Variants in PELI2 observed in about 807,000 individuals in gnomAD.
PELI2 encodes pellino E3 ubiquitin protein ligase family member 2.
A neutral mutation model predicts 42.3 loss-of-function variants in PELI2; 23 were observed. That is an observed-to-expected ratio of 0.54 (90% CI 0.39 to 0.77). The LOEUF is 0.77. Among genes scored for constraint, PELI2 ranks in the 30% least tolerant of loss-of-function variants. The pLI is 0.00. For missense variants in PELI2, 463 were observed against 553.2 expected (o/e 0.84, Z 1.64); for synonymous variants, 245 against 212.2 (o/e 1.15, Z -1.34).
chr14:56,131,109 A>G (rs1048881213), intron 1 of PELI2, among the ~76,000 whole-genome samples: 3 of 152,196 alleles, frequency 2.0e-5, no homozygotes, highest in Non-Finnish European at 2.9e-5. Context: ...TATAGCTCCT[A>G]TCTCCTCACT....
At chr14:56,209,219 T>A (rs562128783) in intron 2 of PELI2, among the ~76,000 whole-genome samples, 11 of 152,334 alleles carry the variant, frequency 7.2e-5, no homozygotes, top group African/African-American at 2.4e-4. Context: ...TAAGAAAAGC[T>A]CATTGATGTA....
At chr14:56,275,815 G>T (rs1221647911) in intron 2 of PELI2, among the ~76,000 whole-genome samples, 1 of 152,156 alleles carries the variant, frequency 6.6e-6, no homozygotes, top group Non-Finnish European at 1.5e-5. Flanking sequence ...GCTTGAGCTG[G>T]TTTTCTTTAT....
chr14:56,228,425 A>G (rs971440887), intron 2 of PELI2, among the ~76,000 whole-genome samples: 1 of 152,130 alleles, frequency 6.6e-6, no homozygotes, highest in Non-Finnish European at 1.5e-5. Context: ...ATAAAGGCCT[A>G]ATTTTTATTC....
intron 1 of PELI2, among the ~76,000 whole-genome samples, chr14:56,164,967 G>T (rs1884897933): frequency 6.9e-6 from 1 of 145,012 alleles, no homozygotes; most frequent in Non-Finnish European, 1.5e-5. Context: ...AATTTTGTTG[G>T]TTTTTTTTTT....
Position 56,197,999 on chromosome 14 carries a change from CACACACA to C in PELI2, c.207+19536_207+19542del, listed in dbSNP as rs1886195185. Among the ~76,000 whole-genome samples, 2 of 148,382 alleles carry C rather than the reference CACACACA, an allele frequency of 1.3e-5. No individual in the cohort carries two copies. The highest frequency in any genetic ancestry group is 3.0e-5 in the Non-Finnish European group (2 of 67,248). ...ACACACACACACACACACACACACA[CACACACA>C]CACACACCCACCTCTTTGGTCCACT... On this transcript the variant is annotated intron_variant, in intron 2 of 5. Transcript: ENST00000267460. The surrounding 1 kb of genome is among the most constrained non-coding windows in gnomAD (Gnocchi z 4.9).
At chr14:56,276,157 C>A (rs1017440644) in intron 2 of PELI2, among the ~76,000 whole-genome samples, 1 of 152,114 alleles carries the variant, frequency 6.6e-6, no homozygotes, top group Non-Finnish European at 1.5e-5. Flanking sequence ...CAGACTTTTC[C>A]GTAAGACATG....
intron 1 of PELI2, chr14:56,119,757 T>A: frequency 1.0e-6 from 1 of 979,302 alleles, no homozygotes; most frequent in East Asian, 1.1e-4. Flanking sequence ...GGGTTTAGTG[T>A]TGAAGAAAGG....
chr14:56,126,483 T>A (rs1883267684), intron 1 of PELI2, among the ~76,000 whole-genome samples: 1 of 152,216 alleles, frequency 6.6e-6, no homozygotes. Context: ...AAGAAATCAT[T>A]GTTTCAAGCT....
intron 2 of PELI2, among the ~76,000 whole-genome samples, chr14:56,233,882 C>A (rs1173900338): frequency 1.3e-5 from 2 of 152,146 alleles, no homozygotes; most frequent in Admixed American, 1.3e-4. Flanking sequence ...TATCCAGAAT[C>A]TACAAAGAAC....
intron 2 of PELI2, among the ~76,000 whole-genome samples, chr14:56,220,891 G>A (rs891822313): frequency 1.3e-5 from 2 of 152,200 alleles, no homozygotes; most frequent in African/African-American, 4.8e-5. Context: ...TGCACAGTTT[G>A]AATTATATAC....
In PELI2 at chr14:56,253,723, A is replaced by G. The variant is rs746543107; in HGVS notation, c.208-25953A>G. ...AGCGGACACAAGCAAACGGAAAAAC[A>G]TTCCACGCTCATGGATAGGAAGACT... On this transcript the variant is annotated intron_variant, in intron 2 of 5. Coordinates refer to ENST00000267460, the MANE Select transcript of PELI2 (RefSeq NM_021255.3). 1.5e-4 allele frequency among the ~76,000 whole-genome samples: 23 copies of G among 152,218 alleles called. 1 individual carries two copies. Among genetic ancestry groups the G allele is most frequent in the Non-Finnish European group, 3.1e-4 (21 of 68,034 alleles).
intron 2 of PELI2, among the ~76,000 whole-genome samples, chr14:56,244,996 A>C (rs1423027306): frequency 2.6e-5 from 4 of 152,250 alleles, no homozygotes; most frequent in Admixed American, 2.6e-4. Context: ...GATTTTCATC[A>C]AGGAAGCATA....
chr14:56,259,613 G>A (rs1426939856), intron 2 of PELI2, among the ~76,000 whole-genome samples: 1 of 152,108 alleles, frequency 6.6e-6, no homozygotes, highest in Middle Eastern at 3.2e-3. Flanking sequence ...AATCTCTCAG[G>A]AAACTAGGAA....
At chr14:56,204,236 A>G (rs1886437237) in intron 2 of PELI2, among the ~76,000 whole-genome samples, 1 of 152,210 alleles carries the variant, frequency 6.6e-6, no homozygotes, top group South Asian at 2.1e-4. Flanking sequence ...GTTAGAAGCT[A>G]TTGTCCAGGC....
At chr14:56,165,754 G>A (rs1287399505) in intron 1 of PELI2, among the ~76,000 whole-genome samples, 8 of 151,988 alleles carry the variant, frequency 5.3e-5, no homozygotes, top group Admixed American at 2.6e-4. Flanking sequence ...CCCCTTTATC[G>A]TTATATAGTG....
At chr14:56,175,325 A>G (rs1443438987) in intron 1 of PELI2, among the ~76,000 whole-genome samples, 2 of 152,154 alleles carry the variant, frequency 1.3e-5, no homozygotes, top group African/African-American at 2.4e-5. Context: ...CAGTGCTTCC[A>G]CCATGAAGCC....
chr14:56,242,882 G>T (rs1888024793), intron 2 of PELI2, among the ~76,000 whole-genome samples: 1 of 152,174 alleles, frequency 6.6e-6, no homozygotes, highest in Non-Finnish European at 1.5e-5. Context: ...AAGGATAAAA[G>T]ACTACACATT....
intron 1 of PELI2, among the ~76,000 whole-genome samples, chr14:56,150,765 A>G (rs1884319807): frequency 6.6e-6 from 1 of 152,208 alleles, no homozygotes; most frequent in Non-Finnish European, 1.5e-5. Flanking sequence ...CATAATATAC[A>G]GAAAACCTTT....
chr14:56,213,343 G>T (rs1886777573), intron 2 of PELI2, among the ~76,000 whole-genome samples: 1 of 152,156 alleles, frequency 6.6e-6, no homozygotes, highest in Non-Finnish European at 1.5e-5. Flanking sequence ...CAGAAGCTTT[G>T]CACAGTGGAG....
Sources: gnomAD v4.1 joint callset for allele counts (sites outside exome capture counted in the v4.1 genomes callset) on GRCh38, gnomAD v4.1.1 for gene constraint, Gnocchi (gnomAD v3.1) non-coding constraint, MANE v1.5 for transcripts, NCBI Gene and HGNC (gene_info 2026-07-23, HGNC 2026-07-21) for gene names.